The following HERC4 variants were observed in gnomAD, a reference collection of about 807,000 sequenced individuals.
HERC4 encodes HECT and RLD domain containing E3 ubiquitin protein ligase 4, also known as probable E3 ubiquitin-protein ligase HERC4.
A neutral mutation model predicts 124.3 loss-of-function variants in HERC4; 28 were observed. The ratio of observed to expected loss-of-function variants is 0.23; its 90% CI spans 0.17 to 0.31. The LOEUF (loss-of-function observed/expected upper bound fraction) is 0.31. Ranked by LOEUF, HERC4 falls within the 10% of genes least tolerant of loss-of-function variation. The pLI, the probability that HERC4 is intolerant of heterozygous loss-of-function variation, is 1.00. For synonymous variants in HERC4, 407 were observed against 421.5 expected (o/e 0.97, Z 0.42); for missense variants, 713 against 1,229.3 (o/e 0.58, Z 6.28).
At position 67,936,156 on chromosome 10, in the gene HERC4, TTTTG is replaced by T; in HGVS notation, c.2647_2650del (p.Gln883IlefsTer78). ...GTTGCTGCTAAAATTCACTTACCGA[TTTTG>T]TTTGTTAACAGCTGTGTCTGCACCA... On this transcript the variant is annotated frameshift_variant, in exon 22 of 25. Coordinates refer to ENST00000373700, the MANE Select transcript of HERC4 (RefSeq NM_015601.4). LOFTEE classifies it high-confidence loss of function. 4 of 1,579,756 alleles carry T rather than the reference TTTTG, an allele frequency of 2.5e-6. No individual in the cohort carries two copies. The highest frequency in any genetic ancestry group is 2.3e-5 in the East Asian group (1 of 43,910).
chr10:67,951,144 CCTTT>C (rs1200080934), intron 19 of HERC4, among the ~76,000 whole-genome samples: 2 of 152,290 alleles, frequency 1.3e-5, no homozygotes, highest in East Asian at 3.9e-4. Context: ...ACTGCCCCTC[CCTTT>C]GTCTCAAAAC....
At chr10:67,971,304 C>T (rs1353794798) in intron 15 of HERC4, among the ~76,000 whole-genome samples, 1 of 151,982 alleles carries the variant, frequency 6.6e-6, no homozygotes. Flanking sequence ...CCAGAATAAA[C>T]TTGATACCAA....
At chr10:68,005,710 G>C (rs188164165) in intron 9 of HERC4, among the ~76,000 whole-genome samples, 2 of 143,252 alleles carry the variant, frequency 1.4e-5, no homozygotes, top group East Asian at 4.0e-4. Flanking sequence ...TATTAATTTT[G>C]TTTGTTTTTT....
intron 17 of HERC4, chr10:67,956,276 G>A (rs900945153): frequency 2.0e-5 from 3 of 151,950 alleles, no homozygotes; most frequent in African/African-American, 7.3e-5. Flanking sequence ...ACCCTTTAAA[G>A]TCATAATATG....
At chr10:67,946,509 A>C (rs1047759400) in intron 19 of HERC4, among the ~76,000 whole-genome samples, 40 of 152,102 alleles carry the variant, frequency 2.6e-4, no homozygotes, top group African/African-American at 8.5e-4. Flanking sequence ...TATTTTGTCT[A>C]ATACAAGGTA....
intron 11 of HERC4, 70 bp from the exon 12 acceptor site, chr10:67,991,269 GAATT>G: frequency 1.2e-6 from 1 of 815,708 alleles, no homozygotes; most frequent in Non-Finnish European, 1.8e-6. Flanking sequence ...TCTTAAAAAA[GAATT>G]AAAATGAATA....
intron 13 of HERC4, among the ~76,000 whole-genome samples, chr10:67,990,626 C>T (rs1156897816): frequency 6.6e-6 from 1 of 151,970 alleles, no homozygotes; most frequent in Non-Finnish European, 1.5e-5. Context: ...TTTAAAAAAT[C>T]ACGTGTACAA....
intron 3 of HERC4, among the ~76,000 whole-genome samples, chr10:68,055,870 A>C (rs1376689452): frequency 1.3e-5 from 2 of 149,752 alleles, no homozygotes; most frequent in African/African-American, 4.9e-5. Context: ...TCCTGCCTCA[A>C]CCTCCTGAGT....
In HERC4 at chr10:68,069,058, T is replaced by C. The variant is rs1564620877; in HGVS notation, c.226+3825A>G. ...AAATTATGGTCACAGAACAGTTTAGTACTGTTTCTAACATGAAACAAATGG... is the reference window on the plus strand; with the variant it reads ...AAATTATGGTCACAGAACAGTTTAGCACTGTTTCTAACATGAAACAAATGG... On this transcript the variant is annotated intron_variant, in intron 3 of 24. Coordinates refer to ENST00000373700, the MANE Select transcript of HERC4 (RefSeq NM_015601.4). 4 of 984,340 alleles carry C rather than the reference T, an allele frequency of 4.1e-6. No individual in the cohort carries two copies. The South Asian group carries it at 1.4e-4, about 35-fold the overall frequency. 61.0% of individuals were successfully genotyped at this position (984,340 alleles called of 1,614,324 possible).
chr10:67,936,178 C>A lies in HERC4; in HGVS notation c.2629G>T (p.Asp877Tyr). ...EVKELVLNGA[D>Y]TAVNKQNRQE... The stretch of plus-strand genomic sequence containing the variant: ...CGATTTTGTTTGTTAACAGCTGTGT[C>A]TGCACCATTTAGAACCAGCTCTTTC... Residue 877 changes from aspartate to tyrosine, a missense_variant, in exon 22 of 25, where the codon GAC (aspartate) becomes TAC (tyrosine). Coordinates refer to ENST00000373700, the MANE Select transcript of HERC4 (RefSeq NM_015601.4). The A allele has an allele frequency of 6.2e-7, 1 of 1,603,074 alleles. No homozygotes were observed. The highest frequency in any genetic ancestry group is 1.1e-5 in the South Asian group (1 of 88,218).
chr10:67,983,019 T>C (rs946908617), intron 15 of HERC4, among the ~76,000 whole-genome samples: 2 of 150,606 alleles, frequency 1.3e-5, no homozygotes, highest in African/African-American at 2.5e-5. Context: ...TCCCAGTTAA[T>C]TGGGAGGCTG....
chr10:68,063,234 G>A (rs1215729565), intron 3 of HERC4, among the ~76,000 whole-genome samples: 1 of 151,066 alleles, frequency 6.6e-6, no homozygotes, highest in Non-Finnish European at 1.5e-5. Flanking sequence ...TTTTTAGTTG[G>A]AGTCTCGCTC....
intron 8 of HERC4, among the ~76,000 whole-genome samples, chr10:68,020,457 CAAA>C (rs1324161428): frequency 6.6e-6 from 1 of 151,602 alleles, no homozygotes; most frequent in Admixed American, 6.6e-5. Context: ...AAATATCAAT[CAAA>C]AAGAAAAACT....
intron 7 of HERC4, among the ~76,000 whole-genome samples, chr10:68,031,559 G>T (rs1037685759): frequency 2.6e-5 from 4 of 152,006 alleles, no homozygotes; most frequent in Admixed American, 1.3e-4. Flanking sequence ...AATAAGATTG[G>T]CAGGTATAAT....
chr10:67,939,614 C>T lies in HERC4; in HGVS notation c.2545G>A (p.Glu849Lys). 1 of 1,609,402 alleles carries T rather than the reference C, an allele frequency of 6.2e-7. No homozygotes were observed. Residue 849 changes from glutamate (E) to lysine (K), a missense_variant, in exon 21 of 25, where the codon GAG becomes AAG. Coordinates refer to ENST00000373700, the MANE Select transcript of HERC4 (RefSeq NM_015601.4). ...GTAAAATTAAGACAAAATGTTTCCT[C>T]TATGTCATCTTCTGGATAATCCAGT... ...QLLDYPEDDIEETFCLNFTIT... is the reference protein window; with the variant it reads ...QLLDYPEDDIKETFCLNFTIT...
chr10:68,073,165 GAAA>G lies in HERC4; in HGVS notation c.-60_-58del. ...TAAAAAATTCTCTTCTGAAACCCCG[GAAA>G]GTTGGAGGTACCCTATGTCTGAGGA... On this transcript the variant is annotated 5_prime_UTR_variant, in exon 3 of 25. Coordinates refer to ENST00000373700, the MANE Select transcript of HERC4 (RefSeq NM_015601.4). 1 of 1,392,686 alleles carries G rather than the reference GAAA, an allele frequency of 7.2e-7. No individual in the cohort carries two copies. The highest frequency in any genetic ancestry group is 1.0e-6 in the Non-Finnish European group (1 of 997,658). 86.3% of individuals were successfully genotyped at this position (1,392,686 alleles called of 1,614,324 possible).
chr10:68,070,304 CATT>C (rs1408770438), intron 3 of HERC4: 5 of 959,904 alleles, frequency 5.2e-6, no homozygotes, highest in Non-Finnish European at 6.2e-6. Context: ...TAGTTAAAAA[CATT>C]ATTTAAAAAA....
chr10:67,951,020 G>A (rs1198886508), intron 19 of HERC4, among the ~76,000 whole-genome samples: 2 of 152,174 alleles, frequency 1.3e-5, no homozygotes, highest in African/African-American at 4.8e-5. Context: ...GAAGAATAAT[G>A]GGGATATGTC....
chr10:67,933,440 C>T (rs1237074920), intron 22 of HERC4, among the ~76,000 whole-genome samples: 3 of 152,138 alleles, frequency 2.0e-5, no homozygotes, highest in Non-Finnish European at 4.4e-5. Context: ...ATTTGAACCA[C>T]AATCTTATTC....
Sources: gnomAD v4.1 joint callset for allele counts (sites outside exome capture counted in the v4.1 genomes callset) on GRCh38, gnomAD v4.1.1 for gene constraint, MANE v1.5 for transcripts, NCBI Gene and HGNC (gene_info 2026-07-23, HGNC 2026-07-21) for gene names.